CSGALNACT2: variants seen among roughly 807,000 people sequenced by gnomAD.
CSGALNACT2 encodes chondroitin sulfate N-acetylgalactosaminyltransferase 2.
CSGALNACT2 carries 35 observed loss-of-function variants against 55.3 expected under a neutral mutation model. The observed-to-expected ratio is 0.63, with a 90% CI of 0.48 to 0.84. The LOEUF (loss-of-function observed/expected upper bound fraction) is 0.84. Among genes scored for constraint, CSGALNACT2 ranks in the 40% least tolerant of loss-of-function variants. CSGALNACT2 has a pLI of 0.00. For synonymous variants in CSGALNACT2, 196 were observed against 224.9 expected (o/e 0.87, Z 1.15); for missense variants, 544 against 657.5 (o/e 0.83, Z 1.89).
At chr10:43,168,589 G>A (rs1352377093) in intron 6 of CSGALNACT2, among the ~76,000 whole-genome samples, 1 of 151,760 alleles carries the variant, frequency 6.6e-6, no homozygotes, top group East Asian at 1.9e-4. Context: ...CAAAGAGCAG[G>A]TAATATTAGC....
intron 6 of CSGALNACT2, among the ~76,000 whole-genome samples, chr10:43,173,431 G>A (rs746084620): frequency 6.6e-6 from 1 of 152,176 alleles, no homozygotes; most frequent in Non-Finnish European, 1.5e-5. Flanking sequence ...TGCTTAGGAG[G>A]CCAGATAAAA....
At chr10:43,164,460 C>T (rs1318404737) in intron 5 of CSGALNACT2, among the ~76,000 whole-genome samples, 1 of 152,246 alleles carries the variant, frequency 6.6e-6, no homozygotes, top group Non-Finnish European at 1.5e-5. Flanking sequence ...CACACACTCA[C>T]ATGGAAGTCT....
At chr10:43,156,595 A>G (rs1839013853) in intron 2 of CSGALNACT2, among the ~76,000 whole-genome samples, 1 of 152,258 alleles carries the variant, frequency 6.6e-6, no homozygotes, top group Non-Finnish European at 1.5e-5. Context: ...TTTTGGCACC[A>G]GGGACTGGTT....
rs987174178 is a variant in CSGALNACT2, at chr10:43,183,669, A to G, written c.*127A>G. ...TATTTTTCATGTTCTTTCTGACATT[A>G]CTTTAGCAATTCAACTTGATGTGAG... On this transcript the variant is annotated 3_prime_UTR_variant, in exon 8 of 8. Transcript: ENST00000374466. 1.3e-6 allele frequency: 1 copy of G among 743,988 alleles called. No homozygotes were observed. Among genetic ancestry groups the G allele is most frequent in the Non-Finnish European group, 2.2e-6 (1 of 454,878 alleles). The allele number at this position is 743,988 out of a possible 1,614,324, so 46.1% of individuals were successfully genotyped here.
intron 2 of CSGALNACT2, among the ~76,000 whole-genome samples, 172 bp from the exon 3 acceptor site, chr10:43,158,543 T>C (rs1778598753): frequency 6.6e-6 from 1 of 152,226 alleles, no homozygotes; most frequent in Non-Finnish European, 1.5e-5. Context: ...TAACCTTTTC[T>C]TTTAAGCGAG....
At chr10:43,151,905 G>A (rs187029860) in intron 1 of CSGALNACT2, among the ~76,000 whole-genome samples, 1 of 152,244 alleles carries the variant, frequency 6.6e-6, no homozygotes, top group Non-Finnish European at 1.5e-5. Context: ...TGGGTTTGTT[G>A]GCAGGAAAAG....
chr10:43,145,532 C>G (rs529216813), intron 1 of CSGALNACT2, among the ~76,000 whole-genome samples: 5 of 151,032 alleles, frequency 3.3e-5, no homozygotes, highest in African/African-American at 1.2e-4. Flanking sequence ...CTCAAGTAAC[C>G]AGGGCAACAT....
At chr10:43,178,262 A>G (rs1464970723) in intron 7 of CSGALNACT2, among the ~76,000 whole-genome samples, 1 of 152,232 alleles carries the variant, frequency 6.6e-6, no homozygotes, top group East Asian at 1.9e-4. Flanking sequence ...TTATGTAAAT[A>G]TACATATTTT....
chr10:43,178,398 A>G (rs557570596), intron 7 of CSGALNACT2, among the ~76,000 whole-genome samples: 105 of 152,258 alleles, frequency 6.9e-4, no homozygotes, highest in Non-Finnish European at 1.1e-3. Context: ...CGAGGCGGGC[A>G]GATCACGAGG....
At chr10:43,142,832 G>A (rs1838659107) in intron 1 of CSGALNACT2, among the ~76,000 whole-genome samples, 1 of 152,130 alleles carries the variant, frequency 6.6e-6, no homozygotes, top group Non-Finnish European at 1.5e-5. Flanking sequence ...CTATTTGAGG[G>A]AAAAATTACT....
At chr10:43,171,837 C>T (rs902599067) in intron 6 of CSGALNACT2, among the ~76,000 whole-genome samples, 1 of 152,162 alleles carries the variant, frequency 6.6e-6, no homozygotes, top group Non-Finnish European at 1.5e-5. Flanking sequence ...AAGACAAAAA[C>T]TTGTTTTCCT....
intron 2 of CSGALNACT2, among the ~76,000 whole-genome samples, chr10:43,157,363 G>A (rs1389404948): frequency 6.6e-6 from 1 of 152,138 alleles, no homozygotes; most frequent in African/African-American, 2.4e-5. Flanking sequence ...AACATATTCT[G>A]TTCCTCACTT....
chr10:43,172,496 C>T (rs1839401636), intron 6 of CSGALNACT2, among the ~76,000 whole-genome samples: 1 of 152,180 alleles, frequency 6.6e-6, no homozygotes, highest in South Asian at 2.1e-4. Flanking sequence ...CCATTTTTCA[C>T]AGCTGTGCTG....
rs371638225 is a variant in CSGALNACT2 at position 43,154,031 on chromosome 10, T to C, written c.-253-866T>C. Among the ~76,000 whole-genome samples, 29 of 152,368 alleles carry C rather than the reference T, an allele frequency of 1.9e-4. No homozygotes were observed. The East Asian group carries it at 5.2e-3, about 27-fold the overall frequency. Reference sequence around the variant, plus strand: ...TAAAAATGTTTTCTTAATGTGTTTTTCAGATGTCTGTGAGCTTTTGAAGTT... The same window carrying C: ...TAAAAATGTTTTCTTAATGTGTTTTCCAGATGTCTGTGAGCTTTTGAAGTT... On this transcript the variant is annotated intron_variant, in intron 1 of 7. Coordinates refer to ENST00000374466, the MANE Select transcript of CSGALNACT2 (RefSeq NM_018590.5).
intron 1 of CSGALNACT2, among the ~76,000 whole-genome samples, chr10:43,153,785 G>A (rs1403819072): frequency 2.6e-5 from 4 of 152,144 alleles, no homozygotes; most frequent in Non-Finnish European, 5.9e-5. Flanking sequence ...GGAAGAGTTC[G>A]CACAACTGGT....
intron 7 of CSGALNACT2, among the ~76,000 whole-genome samples, chr10:43,182,334 C>G (rs1839604697): frequency 6.6e-6 from 1 of 152,166 alleles, no homozygotes; most frequent in Non-Finnish European, 1.5e-5. Context: ...TTCTCCCTCA[C>G]CTGGGGCCAC....
chr10:43,173,742 G>C (rs2003317), intron 6 of CSGALNACT2, among the ~76,000 whole-genome samples: 127,333 of 152,136 alleles, frequency 0.84, 53,902 homozygotes, highest in African/African-American at 0.94. Flanking sequence ...CGTGTAATCC[G>C]AGCACTTTGG....
At chr10:43,158,212 G>A (rs1009648444) in intron 2 of CSGALNACT2, among the ~76,000 whole-genome samples, 13 of 151,042 alleles carry the variant, frequency 8.6e-5, no homozygotes, top group African/African-American at 3.2e-4. Context: ...ATATCACATA[G>A]CACTATATTG....
At chr10:43,182,811 G>A (rs1839613786) in intron 7 of CSGALNACT2, among the ~76,000 whole-genome samples, 1 of 150,934 alleles carries the variant, frequency 6.6e-6, no homozygotes, top group African/African-American at 2.4e-5. Flanking sequence ...GGAGGTCGAT[G>A]CTGCAGTGAG....
Sources: allele counts gnomAD v4.1 joint callset (sites outside exome capture counted in the v4.1 genomes callset), GRCh38; gene constraint gnomAD v4.1.1; transcripts MANE v1.5; gene names NCBI Gene and HGNC (gene_info 2026-07-23, HGNC 2026-07-21).